Variants in DLC1 observed in about 807,000 individuals in gnomAD.
DLC1 encodes the protein rho GTPase-activating protein 7.
Under a neutral mutation model 140.3 loss-of-function variants are expected in DLC1, and 54 were observed. The ratio of observed to expected loss-of-function variants is 0.38; its 90% CI spans 0.31 to 0.48. DLC1 has a LOEUF of 0.48. Ranked by LOEUF, DLC1 falls within the 20% of genes least tolerant of loss-of-function variation. The probability of loss-of-function intolerance (pLI) is 0.96; values close to 1 mark genes in which losing one functional copy is unlikely to be tolerated. For missense variants in DLC1, 2,536 were observed against 1,907.0 expected, an observed-to-expected ratio of 1.33 and a Z score of -6.14; for synonymous variants, 986 against 728.1, an observed-to-expected ratio of 1.35 and a Z score of -5.70.
intron 3 of DLC1, among the ~76,000 whole-genome samples, chr8:13,397,799 C>G (rs1165553865): frequency 6.6e-6 from 1 of 151,696 alleles, no homozygotes; most frequent in African/African-American, 2.4e-5. Context: ...TGCCAGTGCA[C>G]TCCAGCCTGA....
intron 5 of DLC1, among the ~76,000 whole-genome samples, chr8:13,253,431 A>G (rs866733694): frequency 5.5e-4 from 82 of 149,862 alleles, no homozygotes; most frequent in African/African-American, 1.8e-3. Context: ...AATACATATT[A>G]TGTGTGTGTG....
At chr8:13,591,892 G>A (rs1226150355) in intron 1 of DLC1, among the ~76,000 whole-genome samples, 1 of 152,104 alleles carries the variant, frequency 6.6e-6, no homozygotes, top group Non-Finnish European at 1.5e-5. Context: ...GGAATGGAGA[G>A]AGAAACCTAT....
chr8:13,554,140 C>T (rs1803962983), intron 1 of DLC1, among the ~76,000 whole-genome samples: 1 of 152,136 alleles, frequency 6.6e-6, no homozygotes, highest in Non-Finnish European at 1.5e-5. Flanking sequence ...AATCTCCACT[C>T]ACTGCAACCT....
chr8:13,454,557 T>C (rs1799303751), intron 2 of DLC1, among the ~76,000 whole-genome samples: 1 of 151,288 alleles, frequency 6.6e-6, no homozygotes, highest in Non-Finnish European at 1.5e-5. Flanking sequence ...AGTTTCTTGT[T>C]TAGTTTTTTC....
chr8:13,391,846 G>A (rs568914767), intron 4 of DLC1, among the ~76,000 whole-genome samples: 2 of 150,742 alleles, frequency 1.3e-5, no homozygotes, highest in East Asian at 2.0e-4. Context: ...TTTACAAAGT[G>A]AATTAAATAA....
intron 1 of DLC1, among the ~76,000 whole-genome samples, chr8:13,506,198 C>A (rs1733344197): frequency 6.6e-6 from 1 of 151,890 alleles, no homozygotes; most frequent in Non-Finnish European, 1.5e-5. Context: ...TATACAAATA[C>A]ATGCACACAT....
At chr8:13,086,654 T>C (rs1817593068) in intron 16 of DLC1, among the ~76,000 whole-genome samples, 191 bp from the exon 17 acceptor site, 1 of 152,270 alleles carries the variant, frequency 6.6e-6, no homozygotes, top group South Asian at 2.1e-4. Context: ...CCAAAAAGCA[T>C]GTGATGGAAA....
chr8:13,301,392 T>C (rs775083040), intron 5 of DLC1, among the ~76,000 whole-genome samples: 2 of 152,226 alleles, frequency 1.3e-5, no homozygotes, highest in Non-Finnish European at 2.9e-5. Context: ...TTAGGACTTG[T>C]GGAACACACA....
intron 6 of DLC1, among the ~76,000 whole-genome samples, chr8:13,115,248 C>G (rs1049012412): frequency 1.3e-5 from 2 of 152,146 alleles, no homozygotes; most frequent in Admixed American, 6.5e-5. Flanking sequence ...ATACGACACA[C>G]TACCCTTTTT....
intron 1 of DLC1, among the ~76,000 whole-genome samples, chr8:13,502,052 C>A (rs928315682): frequency 6.6e-6 from 1 of 152,154 alleles, no homozygotes; most frequent in South Asian, 2.1e-4. Flanking sequence ...AGCCTGAATT[C>A]TGGTTTCATT....
At chr8:13,574,427 G>A (rs1038815619) in intron 1 of DLC1, among the ~76,000 whole-genome samples, 1 of 151,868 alleles carries the variant, frequency 6.6e-6, no homozygotes, top group Admixed American at 6.6e-5. Flanking sequence ...TATTCAAAGG[G>A]GGTTGGATAT....
chr8:13,518,040 A>G (rs147166858), upstream of DLC1, among the ~76,000 whole-genome samples: 551 of 152,254 alleles, frequency 3.6e-3, 3 homozygotes, highest in African/African-American at 0.013. Flanking sequence ...ACAATTATGT[A>G]CTCTGTGGAA....
At chr8:13,141,218 G>C (rs1371367008) in intron 5 of DLC1, among the ~76,000 whole-genome samples, 2 of 125,094 alleles carry the variant, frequency 1.6e-5, no homozygotes, top group Admixed American at 2.0e-4. Flanking sequence ...TTGCGCCATT[G>C]CACTCCAGCC....
chr8:13,201,240 C>G (rs939029683), intron 5 of DLC1, among the ~76,000 whole-genome samples: 19 of 151,996 alleles, frequency 1.3e-4, no homozygotes, highest in African/African-American at 4.6e-4. Context: ...AGCAGGAATT[C>G]ACTTCTGAAA....
chr8:13,132,901 GCTCCCGCGGCCA>G (rs1563661522), intron 5 of DLC1: 5 of 1,561,596 alleles, frequency 3.2e-6, no homozygotes, highest in Non-Finnish European at 4.3e-6. Context: ...TCCGCAGCCC[GCTCCCGCGGCCA>G]GCCCGACGGC....
At chr8:13,371,577 C>G in intron 4 of DLC1, among the ~76,000 whole-genome samples, 1 of 128,854 alleles carries the variant, frequency 7.8e-6, no homozygotes, top group South Asian at 2.3e-4. Context: ...CCTTGGCTCA[C>G]AATGACTTTT....
intron 5 of DLC1, among the ~76,000 whole-genome samples, chr8:13,213,873 T>G (rs1436008310): frequency 6.6e-6 from 1 of 151,706 alleles, no homozygotes. Context: ...AACCTCTGCC[T>G]TCCGAGTTAA....
chr8:13,467,310 G>C (rs540573570), intron 2 of DLC1, among the ~76,000 whole-genome samples: 1 of 152,166 alleles, frequency 6.6e-6, no homozygotes, highest in Admixed American at 6.5e-5. Context: ...AAGTTGAAGA[G>C]AGACAATGAT....
At chr8:13,313,498 T>C (rs775968539) in intron 4 of DLC1, among the ~76,000 whole-genome samples, 2 of 152,164 alleles carry the variant, frequency 1.3e-5, no homozygotes, top group African/African-American at 2.4e-5. Flanking sequence ...GTAGATATAG[T>C]ATCTACATCC....
Sources: gnomAD v4.1 joint callset for allele counts (sites outside exome capture counted in the v4.1 genomes callset) on GRCh38, gnomAD v4.1.1 for gene constraint, MANE v1.5 for transcripts, NCBI Gene and HGNC (gene_info 2026-07-23, HGNC 2026-07-21) for gene names.